Variants in ANAPC1 observed in about 807,000 individuals in gnomAD.
The protein encoded by ANAPC1 is anaphase promoting complex subunit 1, also known as anaphase-promoting complex subunit 1.
Under a neutral mutation model 208.0 loss-of-function variants are expected in ANAPC1, and 36 were observed. That is an observed-to-expected ratio of 0.17 (90% CI 0.13 to 0.23). The LOEUF (loss-of-function observed/expected upper bound fraction) is 0.23, where lower values mean the gene tolerates loss of function less well. Ranked by LOEUF, ANAPC1 falls within the 10% of genes least tolerant of loss-of-function variation. The pLI is 1.00. For missense variants in ANAPC1, 942 were observed against 2,011.6 expected, an observed-to-expected ratio of 0.47 and a Z score of 10.17; for synonymous variants, 378 against 695.2, an observed-to-expected ratio of 0.54 and a Z score of 7.18.
At chr2:111,872,338 A>C (rs990578949) in intron 6 of ANAPC1, among the ~76,000 whole-genome samples, 1 of 152,188 alleles carries the variant, frequency 6.6e-6, no homozygotes, top group Non-Finnish European at 1.5e-5. Flanking sequence ...CCACTTGATC[A>C]TGACATATCT....
intron 7 of ANAPC1, among the ~76,000 whole-genome samples, chr2:111,866,941 C>A (rs1240247640): frequency 6.6e-6 from 1 of 152,086 alleles, no homozygotes; most frequent in Non-Finnish European, 1.5e-5. Flanking sequence ...GTTTGCTGTC[C>A]ACATACTGAC....
intron 17 of ANAPC1, among the ~76,000 whole-genome samples, chr2:111,841,822 C>G (rs922638909): frequency 2.0e-5 from 3 of 151,746 alleles, no homozygotes; most frequent in East Asian, 1.9e-4. Context: ...AAAATAAGAA[C>G]TATAAATAAC....
At chr2:111,794,212 G>A in intron 36 of ANAPC1, 21 bp downstream of exon 36, 6 of 1,589,660 alleles carry the variant, frequency 3.8e-6, no homozygotes, top group Non-Finnish European at 4.3e-6. Context: ...AAAGAACACA[G>A]TAAACTAAAA....
chr2:111,832,154 G>T (rs111503083), intron 20 of ANAPC1, among the ~76,000 whole-genome samples: 1 of 151,148 alleles, frequency 6.6e-6, no homozygotes, highest in African/African-American at 2.4e-5. Flanking sequence ...TTAGCCAGGC[G>T]TGGTGGCACA....
chr2:111,873,775 C>T, intron 3 of ANAPC1, 111 bp from the exon 4 acceptor site: 1 of 1,114,918 alleles, frequency 9.0e-7, no homozygotes, highest in Non-Finnish European at 1.2e-6. Context: ...TTTGCCTCCT[C>T]AGCTCAACAT....
At chr2:111,832,156 G>A (rs1221489899) in intron 20 of ANAPC1, among the ~76,000 whole-genome samples, 2 of 151,436 alleles carry the variant, frequency 1.3e-5, no homozygotes, top group Admixed American at 6.6e-5. Flanking sequence ...AGCCAGGCGT[G>A]GTGGCACACA....
intron 6 of ANAPC1, among the ~76,000 whole-genome samples, chr2:111,869,420 T>C (rs1414457691): frequency 6.6e-6 from 1 of 152,112 alleles, no homozygotes; most frequent in Non-Finnish European, 1.5e-5. Flanking sequence ...ATTTTTTGTA[T>C]TTTTAGTAGA....
At chr2:111,791,665 A>G (rs1364369080) in intron 38 of ANAPC1, among the ~76,000 whole-genome samples, 13 of 152,134 alleles carry the variant, frequency 8.5e-5, no homozygotes, top group African/African-American at 2.9e-4. Context: ...TACATCGTGT[A>G]TAATTCAATT....
At chr2:111,807,338 C>T (rs1678731736) in intron 29 of ANAPC1, among the ~76,000 whole-genome samples, 1 of 148,288 alleles carries the variant, frequency 6.7e-6, no homozygotes, top group Admixed American at 6.8e-5. Context: ...TACAGACCAT[C>T]GACTCAATGA....
intron 27 of ANAPC1, among the ~76,000 whole-genome samples, chr2:111,817,621 T>A (rs1272999415): frequency 6.6e-6 from 1 of 151,804 alleles, no homozygotes; most frequent in South Asian, 2.1e-4. Context: ...ATTTCCTGCA[T>A]GCTGCTCAAA....
intron 7 of ANAPC1, among the ~76,000 whole-genome samples, chr2:111,866,920 T>A (rs1012139914): frequency 1.3e-5 from 2 of 152,096 alleles, no homozygotes; most frequent in Non-Finnish European, 2.9e-5. Flanking sequence ...GATCAAAGAC[T>A]AAATAGGGCA....
intron 19 of ANAPC1, among the ~76,000 whole-genome samples, chr2:111,833,801 C>T (rs1680319600): frequency 1.3e-5 from 2 of 151,722 alleles, no homozygotes; most frequent in South Asian, 2.1e-4. Context: ...TAATGACATC[C>T]TAAGAGATAT....
chr2:111,789,984 G>C (rs1273750952), intron 38 of ANAPC1, among the ~76,000 whole-genome samples: 1 of 151,646 alleles, frequency 6.6e-6, no homozygotes, highest in African/African-American at 2.4e-5. Flanking sequence ...ATTAAAGAAA[G>C]ACAATTCCAC....
chr2:111,820,746 T>C (rs1298098847), intron 26 of ANAPC1, among the ~76,000 whole-genome samples: 35 of 146,868 alleles, frequency 2.4e-4, no homozygotes, highest in African/African-American at 6.8e-4. Context: ...GGATGTATCC[T>C]GTGCAGGGGA....
chr2:111,801,113 T>C (rs1678419722), intron 33 of ANAPC1, among the ~76,000 whole-genome samples: 3 of 152,076 alleles, frequency 2.0e-5, no homozygotes, highest in Non-Finnish European at 4.4e-5. Flanking sequence ...TCCCAGCACT[T>C]TGGGAGACCA....
intron 25 of ANAPC1, chr2:111,821,681 C>T (rs376074875): frequency 1.0e-4 from 48 of 460,868 alleles, no homozygotes; most frequent in African/African-American, 8.7e-4. Flanking sequence ...ACTCTGTAAT[C>T]CCAGCACTTT....
chr2:111,851,320 C>T, intron 13 of ANAPC1, among the ~76,000 whole-genome samples: 1 of 152,094 alleles, frequency 6.6e-6, no homozygotes, highest in Non-Finnish European at 1.5e-5. Context: ...CCAGGCTGGT[C>T]TTGAACTTCT....
At chr2:111,880,963 T>C (rs1352439147) in intron 1 of ANAPC1, 114 bp from the exon 2 acceptor site, 2 of 957,456 alleles carry the variant, frequency 2.1e-6, no homozygotes, top group East Asian at 5.3e-5. Context: ...TATATCAGAC[T>C]GGTAAGTATA....
At chr2:111,873,829 G>A (rs1359901985) in intron 3 of ANAPC1, among the ~76,000 whole-genome samples, 165 bp from the exon 4 acceptor site, 2 of 150,764 alleles carry the variant, frequency 1.3e-5, no homozygotes, top group Admixed American at 1.3e-4. Flanking sequence ...ATAAATTAGA[G>A]TAATAAATGA....
Sources: gnomAD v4.1 joint callset for allele counts (sites outside exome capture counted in the v4.1 genomes callset) on GRCh38, gnomAD v4.1.1 for gene constraint, MANE v1.5 for transcripts, NCBI Gene and HGNC (gene_info 2026-07-23, HGNC 2026-07-21) for gene names.